Variants in MSRA observed in about 807,000 individuals in gnomAD.
MSRA encodes the protein mitochondrial peptide methionine sulfoxide reductase.
MSRA carries 54 observed loss-of-function variants against 31.3 expected under a neutral mutation model. The ratio of observed to expected loss-of-function variants is 1.73; its 90% CI spans 1.39 to 2.17. MSRA has a LOEUF of 2.17. Among genes scored for constraint, MSRA ranks in the 30% most tolerant of loss-of-function variants. MSRA has a pLI of 0.00. For missense variants in MSRA, 507 were observed against 300.9 expected (o/e 1.69, Z -5.07); for synonymous variants, 169 against 116.5 (o/e 1.45, Z -2.90).
At chr8:10,116,160 A>G (rs892835444) in intron 1 of MSRA, among the ~76,000 whole-genome samples, 1 of 152,240 alleles carries the variant, frequency 6.6e-6, no homozygotes, top group Admixed American at 6.5e-5. Context: ...CTCAAGTTAG[A>G]TTATGGCAAG....
chr8:10,144,956 C>G (rs1585024536), intron 1 of MSRA, among the ~76,000 whole-genome samples: 1 of 151,324 alleles, frequency 6.6e-6, no homozygotes, highest in African/African-American at 2.4e-5. Flanking sequence ...CTGCTGGGCT[C>G]GTTTTGGGGG....
At chr8:10,247,180 C>A (rs1371001050) in intron 3 of MSRA, among the ~76,000 whole-genome samples, 1 of 152,324 alleles carries the variant, frequency 6.6e-6, no homozygotes, top group East Asian at 1.9e-4. Context: ...CTGTAATAAG[C>A]ACTTTTTCTG....
chr8:10,417,479 G>C lies in MSRA; in HGVS notation c.544-10669G>C, dbSNP rs1808535823. Among the ~76,000 whole-genome samples the C allele has an allele frequency of 2.7e-5, 4 of 150,638 alleles. No individual in the cohort carries two copies. In the South Asian group the frequency reaches 8.4e-4, roughly 32 times the overall value. On this transcript the variant is annotated intron_variant, in intron 5 of 5. Transcript: ENST00000317173. Reference sequence around the variant, plus strand: ...ACTCCATGTAGGCTTAGTAAGCCCAGCCAGTCAGTGCCCAGTCAGCCGTCC... The same window carrying C: ...ACTCCATGTAGGCTTAGTAAGCCCACCCAGTCAGTGCCCAGTCAGCCGTCC...
At chr8:10,276,410 T>TC in intron 3 of MSRA, among the ~76,000 whole-genome samples, 1 of 152,350 alleles carries the variant, frequency 6.6e-6, no homozygotes, top group East Asian at 1.9e-4. Context: ...CTGAAAACTG[T>TC]CAGGCTTTCT....
intron 1 of MSRA, among the ~76,000 whole-genome samples, chr8:10,073,937 T>C (rs1585090820): frequency 6.6e-6 from 1 of 152,000 alleles, no homozygotes; most frequent in East Asian, 1.9e-4. Context: ...TGTTTCCTTA[T>C]GATGGAAAGA....
intron 1 of MSRA, among the ~76,000 whole-genome samples, chr8:10,201,751 G>A (rs1808521410): frequency 6.6e-6 from 1 of 152,198 alleles, no homozygotes; most frequent in South Asian, 2.1e-4. Context: ...TCCAGAAGTT[G>A]ACTTTGACCC....
At chr8:10,316,813 T>C (rs2129135825) in intron 4 of MSRA, among the ~76,000 whole-genome samples, 1 of 152,266 alleles carries the variant, frequency 6.6e-6, no homozygotes, top group East Asian at 1.9e-4. Flanking sequence ...CATCTTTCAC[T>C]GTGAAGGATA....
intron 5 of MSRA, among the ~76,000 whole-genome samples, chr8:10,409,949 A>G (rs564074569): frequency 6.6e-6 from 1 of 152,178 alleles, no homozygotes; most frequent in Admixed American, 6.5e-5. Context: ...AGTCCCAGCT[A>G]CTTGGGAGGC....
chr8:10,218,326 A>G (rs1269577457), intron 2 of MSRA, among the ~76,000 whole-genome samples: 1 of 151,772 alleles, frequency 6.6e-6, no homozygotes, highest in African/African-American at 2.4e-5. Context: ...TTGTATTTTT[A>G]GTAGGGATGG....
At chr8:10,280,675 C>G (rs963438321) in intron 3 of MSRA, among the ~76,000 whole-genome samples, 1 of 152,140 alleles carries the variant, frequency 6.6e-6, no homozygotes, top group African/African-American at 2.4e-5. Flanking sequence ...TAGGTATATA[C>G]CCAAGAGTCA....
intron 1 of MSRA, among the ~76,000 whole-genome samples, chr8:10,194,287 C>G (rs1293039187): frequency 1.3e-5 from 2 of 152,212 alleles, no homozygotes; most frequent in African/African-American, 4.8e-5. Context: ...ATAATTAAGG[C>G]TAGCCTCCAT....
chr8:10,158,413 C>G (rs1804353928), intron 1 of MSRA, among the ~76,000 whole-genome samples: 1 of 152,242 alleles, frequency 6.6e-6, no homozygotes, highest in Non-Finnish European at 1.5e-5. Flanking sequence ...GCACAATAAT[C>G]TACTTTCTGT....
chr8:10,092,209 T>A (rs954804687), intron 1 of MSRA, among the ~76,000 whole-genome samples: 5 of 152,210 alleles, frequency 3.3e-5, no homozygotes, highest in African/African-American at 1.2e-4. Flanking sequence ...TCCATATATT[T>A]GTGATTTTTC....
At chr8:10,287,669 A>G (rs1033357966) in intron 3 of MSRA, among the ~76,000 whole-genome samples, 5 of 152,200 alleles carry the variant, frequency 3.3e-5, no homozygotes, top group Admixed American at 6.6e-5. Flanking sequence ...TGTTTCCCTC[A>G]TAAGTTAAAA....
chr8:10,208,027 A>G, intron 2 of MSRA, 126 bp downstream of exon 2: 1 of 663,766 alleles, frequency 1.5e-6, no homozygotes, highest in Non-Finnish European at 2.5e-6. Flanking sequence ...AAGTTGTTAC[A>G]GCCAAGAAAA....
intron 1 of MSRA, among the ~76,000 whole-genome samples, chr8:10,124,248 T>C (rs1179793829): frequency 6.6e-6 from 1 of 152,116 alleles, no homozygotes; most frequent in Non-Finnish European, 1.5e-5. Flanking sequence ...GGCAAAGCCA[T>C]TGATAAATAT....
intron 3 of MSRA, among the ~76,000 whole-genome samples, chr8:10,272,310 G>C (rs765446117): frequency 1.3e-5 from 2 of 152,168 alleles, no homozygotes; most frequent in Non-Finnish European, 2.9e-5. Flanking sequence ...TGAGTTCCAA[G>C]ATCTAAGCTG....
chr8:10,102,874 A>G (rs991914347), intron 1 of MSRA, among the ~76,000 whole-genome samples: 4 of 152,028 alleles, frequency 2.6e-5, no homozygotes, highest in Non-Finnish European at 5.9e-5. Flanking sequence ...TTTTATTGTT[A>G]GTTTTGTACT....
intron 3 of MSRA, among the ~76,000 whole-genome samples, chr8:10,281,407 C>A (rs1799615548): frequency 6.6e-6 from 1 of 152,188 alleles, no homozygotes; most frequent in Non-Finnish European, 1.5e-5. Context: ...CTGACATGAA[C>A]ATAATTTTCC....
Sources: allele counts gnomAD v4.1 joint callset (sites outside exome capture counted in the v4.1 genomes callset), GRCh38; gene constraint gnomAD v4.1.1; transcripts MANE v1.5; gene names NCBI Gene and HGNC (gene_info 2026-07-23, HGNC 2026-07-21).